Variants in ILDR1 observed in about 807,000 individuals in gnomAD.
ILDR1 encodes immunoglobulin-like domain-containing receptor 1.
In ILDR1, 56 loss-of-function variants were observed where a neutral mutation model predicts 62.4. That is an observed-to-expected ratio of 0.90 (90% CI 0.72 to 1.12). The LOEUF is 1.12. Ranked by LOEUF, ILDR1 falls within the 50% of genes most tolerant of loss-of-function variation. ILDR1 has a pLI of 0.00. For missense variants in ILDR1, 736 were observed against 710.6 expected, an observed-to-expected ratio of 1.04 and a Z score of -0.41; for synonymous variants, 284 against 277.8, an observed-to-expected ratio of 1.02 and a Z score of -0.22.
chr3:122,005,315 G>T lies in ILDR1; in HGVS notation c.308C>A (p.Ala103Asp), dbSNP rs779604325. The change falls in exon 3 of 8, where the codon GCC (alanine) becomes GAC (aspartate). Residue 103 changes from alanine to aspartate, a missense_variant. Transcript: ENST00000344209. ...GGGCTCATTCTGCCCCCGCCGCTGG[G>T]CCACTATGCGAACTTCCCGCTGGTT... ...NDNQREVRIV[A>D]QRRGQNEPVL... 6.2e-7 allele frequency: 1 copy of T among 1,614,054 alleles called. No individual in the cohort carries two copies. Among genetic ancestry groups the T allele is most frequent in the East Asian group, 2.2e-5 (1 of 44,856 alleles).
chr3:122,001,667 G>GT (rs35657414), intron 4 of ILDR1, 78 bp downstream of exon 4: 78,637 of 1,359,470 alleles, frequency 0.058, 12 homozygotes, highest in Admixed American at 0.078. Context: ...CTTATTTCTG[G>GT]TTTTTTTTTT....
At chr3:122,045,024 G>T in the ILDR1 span, among the ~76,000 whole-genome samples, 72 of 151,410 alleles carry the variant, frequency 4.8e-4, no homozygotes, top group Middle Eastern at 0.017. Flanking sequence ...TGTCAATTTT[G>T]GATGTTTCCT....
rs189255686 is a variant in ILDR1 at position 122,004,502 on chromosome 3, C to G, written c.379+742G>C. ...GGAGAGGCTTGCCCAGGTTCATATA[C>G]CCTGTAAATGCAGAATTGGGATGCA... On this transcript the variant is annotated intron_variant, in intron 3 of 7. Transcript: ENST00000344209. 4.6e-5 allele frequency among the ~76,000 whole-genome samples: 7 copies of G among 152,292 alleles called. No individual in the cohort carries two copies. In the East Asian group the frequency reaches 1.3e-3, roughly 29 times the overall value.
At chr3:122,009,654 C>A (rs1028422070) in intron 1 of ILDR1, among the ~76,000 whole-genome samples, 2 of 152,176 alleles carry the variant, frequency 1.3e-5, no homozygotes, top group African/African-American at 4.8e-5. Flanking sequence ...TTTTCTCCAA[C>A]AGAGTTTTCA....
At chr3:122,056,344 A>G in the ILDR1 span, among the ~76,000 whole-genome samples, 2 of 151,924 alleles carry the variant, frequency 1.3e-5, no homozygotes, top group Non-Finnish European at 2.9e-5. Context: ...ATTTTTAATT[A>G]TTTATTTTTG....
chr3:121,992,642 T>G (rs1007844694), intron 7 of ILDR1, among the ~76,000 whole-genome samples: 3 of 152,200 alleles, frequency 2.0e-5, no homozygotes, highest in Non-Finnish European at 4.4e-5. Flanking sequence ...TTCCAGGGGA[T>G]GTCTCAGAGG....
At chr3:122,017,855 G>A (rs796418688) in intron 1 of ILDR1, among the ~76,000 whole-genome samples, 10 of 152,280 alleles carry the variant, frequency 6.6e-5, no homozygotes, top group African/African-American at 2.4e-4. Context: ...ACCATCTCAT[G>A]CCAGTTAGAA....
At chr3:122,021,328 C>T in intron 1 of ILDR1, among the ~76,000 whole-genome samples, 2 of 152,210 alleles carry the variant, frequency 1.3e-5, no homozygotes, top group East Asian at 1.9e-4. Context: ...CGTGGAGATA[C>T]ACACTTCTGT....
the ILDR1 span, among the ~76,000 whole-genome samples, chr3:122,046,086 C>G: frequency 6.7e-6 from 1 of 150,246 alleles, no homozygotes; most frequent in East Asian, 2.0e-4. Context: ...TTAGCACTTC[C>G]TTCAGGAGCT....
At chr3:122,056,241 G>A in the ILDR1 span, among the ~76,000 whole-genome samples, 2 of 152,208 alleles carry the variant, frequency 1.3e-5, no homozygotes, top group African/African-American at 4.8e-5. Flanking sequence ...TGCGCCAGAA[G>A]GTTTCTCCAT....
chr3:121,998,718 C>T (rs1259034896), intron 5 of ILDR1, among the ~76,000 whole-genome samples: 1 of 152,102 alleles, frequency 6.6e-6, no homozygotes, highest in Non-Finnish European at 1.5e-5. Context: ...ATTATTACTC[C>T]AGTGACAGTG....
At chr3:122,001,961 T>C in intron 3 of ILDR1, 97 bp from the exon 4 acceptor site, 1 of 1,391,136 alleles carries the variant, frequency 7.2e-7, no homozygotes, top group East Asian at 2.3e-5. Context: ...TGGCAAGACC[T>C]TGTATTTACA....
the ILDR1 span, among the ~76,000 whole-genome samples, chr3:122,061,206 A>G: frequency 6.6e-6 from 1 of 152,236 alleles, no homozygotes; most frequent in Non-Finnish European, 1.5e-5. Flanking sequence ...ACCTAGATTA[A>G]TCAAGGCCAA....
the ILDR1 span, among the ~76,000 whole-genome samples, chr3:122,031,784 T>G: frequency 6.6e-6 from 1 of 152,176 alleles, no homozygotes; most frequent in African/African-American, 2.4e-5. Context: ...AGAAACAAAT[T>G]TCTGTTGTTT....
chr3:122,007,013 A>G lies in ILDR1; in HGVS notation c.207T>C (p.Pro69=), dbSNP rs753453454. ...TWRFKSFCKD[P]IFDYYSASYQ... ...CACACGCTGAGTAGTAGTCAAAGAT[A>G]GGGTCCTTGCAGAAGGACTTGAAGC... is the stretch of plus-strand genomic sequence containing the variant. The change falls in exon 2 of 8, where the codon CCT becomes CCC. Residue 69 remains proline (P), a synonymous_variant. Coordinates refer to ENST00000344209, the MANE Select transcript of ILDR1 (RefSeq NM_001199799.2). 6 of 1,613,100 alleles carry G rather than the reference A, an allele frequency of 3.7e-6. No individual in the cohort carries two copies. The highest frequency in any genetic ancestry group is 5.1e-6 in the Non-Finnish European group (6 of 1,179,970).
At chr3:121,989,009 C>T (rs1459100866) in intron 7 of ILDR1, among the ~76,000 whole-genome samples, 2 of 152,098 alleles carry the variant, frequency 1.3e-5, no homozygotes, top group African/African-American at 2.4e-5. Context: ...TTACATTTCT[C>T]ATATTTTTCT....
the ILDR1 span, among the ~76,000 whole-genome samples, chr3:122,058,340 A>G: frequency 6.6e-6 from 1 of 152,184 alleles, no homozygotes; most frequent in Admixed American, 6.6e-5. Flanking sequence ...GCCAGCCTCC[A>G]GGGAGTGACT....
chr3:122,051,758 C>A, the ILDR1 span, among the ~76,000 whole-genome samples: 3 of 152,182 alleles, frequency 2.0e-5, no homozygotes, highest in African/African-American at 7.2e-5. Flanking sequence ...CCAGCCACTT[C>A]TTCCAGTCTT....
chr3:122,035,166 G>A, the ILDR1 span, among the ~76,000 whole-genome samples: 5 of 152,158 alleles, frequency 3.3e-5, no homozygotes, highest in Admixed American at 6.5e-5. Context: ...GGAACAGAAC[G>A]CTTACTCTGT....
Sources: gnomAD v4.1 joint callset for allele counts (sites outside exome capture counted in the v4.1 genomes callset) on GRCh38, gnomAD v4.1.1 for gene constraint, MANE v1.5 for transcripts, NCBI Gene and HGNC (gene_info 2026-07-23, HGNC 2026-07-21) for gene names.